Variants in WDFY3 observed in about 807,000 individuals in gnomAD.
The protein encoded by WDFY3 is WD repeat and FYVE domain-containing protein 3.
WDFY3 carries 66 observed loss-of-function variants against 409.6 expected under a neutral mutation model. That is an observed-to-expected ratio of 0.16 (90% CI 0.13 to 0.20). The LOEUF (loss-of-function observed/expected upper bound fraction) is 0.20. WDFY3 is among the 10% of genes least tolerant of loss of function. The pLI is 1.00. For synonymous variants in WDFY3, 1,521 were observed against 1,537.1 expected (o/e 0.99, Z 0.25); for missense variants, 3,031 against 4,298.1 (o/e 0.71, Z 8.24).
rs1238344460 is a variant in WDFY3 at position 84,702,237 on chromosome 4, T to C, written c.8596+116A>G. On this transcript the variant is annotated intron_variant, in intron 56 of 67. Coordinates refer to ENST00000295888, the MANE Select transcript of WDFY3 (RefSeq NM_014991.6). ...ATTACAGCAAATGACTGCAAGAAACTGTATCAAATTTTTTTCTTGTTAATG... is the reference window on the plus strand; with the variant it reads ...ATTACAGCAAATGACTGCAAGAAACCGTATCAAATTTTTTTCTTGTTAATG... The C allele has an allele frequency of 4.4e-6, 5 of 1,138,884 alleles. No individual in the cohort carries two copies. In the Admixed American group the frequency reaches 1.1e-4, roughly 26 times the overall value. 70.5% of individuals were successfully genotyped at this position (1,138,884 alleles called of 1,614,324 possible).
intron 1 of WDFY3, among the ~76,000 whole-genome samples, chr4:84,949,749 G>C (rs1184875961): frequency 6.6e-6 from 1 of 152,072 alleles, no homozygotes; most frequent in Non-Finnish European, 1.5e-5. Context: ...CCTAGCTAAA[G>C]ATCAAGCCAC....
intron 45 of WDFY3, among the ~76,000 whole-genome samples, chr4:84,724,867 A>C (rs1302181846): frequency 3.3e-5 from 5 of 152,212 alleles, no homozygotes; most frequent in African/African-American, 7.2e-5. Flanking sequence ...GTGTTAGTGC[A>C]GTGTGTCTTC....
intron 47 of WDFY3, among the ~76,000 whole-genome samples, chr4:84,718,839 A>C (rs1734387749): frequency 6.6e-6 from 1 of 152,194 alleles, no homozygotes; most frequent in Non-Finnish European, 1.5e-5. Context: ...CTAGCTTCTA[A>C]AAGTCAAGAA....
chr4:84,962,843 T>C (rs1775083513), intron 1 of WDFY3, among the ~76,000 whole-genome samples: 1 of 151,808 alleles, frequency 6.6e-6, no homozygotes, highest in African/African-American at 2.4e-5. Flanking sequence ...CAAGCTAATT[T>C]TTGTATTTTT....
chr4:84,808,289 G>A, intron 15 of WDFY3, 45 bp downstream of exon 15: 1 of 1,460,160 alleles, frequency 6.8e-7, no homozygotes, highest in South Asian at 1.2e-5. Context: ...AGAAAAAAAG[G>A]AACCCCACAC....
intron 13 of WDFY3, among the ~76,000 whole-genome samples, chr4:84,813,967 CATGATGAAATAT>C (rs1387167128): frequency 6.6e-6 from 1 of 152,108 alleles, no homozygotes; most frequent in Non-Finnish European, 1.5e-5. Flanking sequence ...ACCATCAAAA[CATGATGAAATAT>C]ATGACAGCAT....
chr4:84,684,596 T>C (rs952178123), intron 62 of WDFY3, among the ~76,000 whole-genome samples: 4 of 152,136 alleles, frequency 2.6e-5, no homozygotes, highest in African/African-American at 9.7e-5. Flanking sequence ...TATAGTTGTG[T>C]TTCTTCAGTA....
chr4:84,790,358 A>C (rs1748303224), intron 21 of WDFY3, among the ~76,000 whole-genome samples: 1 of 152,136 alleles, frequency 6.6e-6, no homozygotes, highest in African/African-American at 2.4e-5. Context: ...CAAAAAAAAT[A>C]AGTAAATAAA....
At chr4:84,854,910 T>C (rs1471306127) in intron 4 of WDFY3, among the ~76,000 whole-genome samples, 1 of 152,044 alleles carries the variant, frequency 6.6e-6, no homozygotes, top group African/African-American at 2.4e-5. Context: ...AGACTTGGTC[T>C]CAAACAAACA....
At chr4:84,896,380 T>C (rs545577827) in intron 3 of WDFY3, among the ~76,000 whole-genome samples, 81 of 151,848 alleles carry the variant, frequency 5.3e-4, no homozygotes, top group African/African-American at 1.9e-3. Context: ...ACACAAGAAA[T>C]AGTATACCAA....
In WDFY3 at chr4:84,757,128, G is replaced by C; in HGVS notation, c.5222C>G (p.Ser1741Trp). 3 of 1,614,018 alleles carry C rather than the reference G, an allele frequency of 1.9e-6. No homozygotes were observed. The highest frequency in any genetic ancestry group is 2.2e-5 in the South Asian group (2 of 91,072). Residue 1741 changes from serine (S) to tryptophan (W), a missense_variant, in exon 33 of 68, where the codon TCG becomes TGG. By Grantham distance (177) the Ser-to-Trp change is radical. Coordinates refer to ENST00000295888, the MANE Select transcript of WDFY3 (RefSeq NM_014991.6). ...FNVGRSAGGRSTVREINRDAC... is the reference protein window; with the variant it reads ...FNVGRSAGGRWTVREINRDAC... ...ATCTCGGTTAATCTCCCTGACCGTCGATCTCCCACCAGCACTTCTGCCCAC... is the reference window on the plus strand; with the variant it reads ...ATCTCGGTTAATCTCCCTGACCGTCCATCTCCCACCAGCACTTCTGCCCAC...
intron 3 of WDFY3, among the ~76,000 whole-genome samples, chr4:84,872,231 C>T (rs1560972263): frequency 2.0e-5 from 3 of 152,010 alleles, no homozygotes; most frequent in East Asian, 3.9e-4. Context: ...ATTTGGGAGG[C>T]CGAGGTGGGC....
At chr4:84,915,980 C>T (rs1040515082) in intron 2 of WDFY3, among the ~76,000 whole-genome samples, 4 of 152,082 alleles carry the variant, frequency 2.6e-5, no homozygotes, top group African/African-American at 9.7e-5. Context: ...TAAACTTAGT[C>T]CTGAAATTAT....
chr4:84,709,161 T>C (rs1360864915), intron 52 of WDFY3, 132 bp downstream of exon 52: 2 of 1,427,802 alleles, frequency 1.4e-6, no homozygotes, highest in East Asian at 2.3e-5. Flanking sequence ...AATACTTTTT[T>C]TTCTAAAAAG....
intron 1 of WDFY3, among the ~76,000 whole-genome samples, chr4:84,960,681 T>C (rs554215612): frequency 2.0e-5 from 3 of 152,272 alleles, no homozygotes; most frequent in Admixed American, 1.3e-4. Context: ...TCTCACTATG[T>C]TGCCCAGGCT....
chr4:84,720,679 C>T (rs548004976), intron 47 of WDFY3, among the ~76,000 whole-genome samples: 1 of 152,208 alleles, frequency 6.6e-6, no homozygotes, highest in Non-Finnish European at 1.5e-5. Context: ...AAGGCCTCAT[C>T]AGAAGCCGAG....
chr4:84,854,753 A>G (rs1381025758), intron 4 of WDFY3, among the ~76,000 whole-genome samples: 4 of 152,188 alleles, frequency 2.6e-5, no homozygotes, highest in South Asian at 2.1e-4. Flanking sequence ...TACTAAAAAT[A>G]TAACAATTAG....
At chr4:84,932,929 T>G (rs1429146886) in intron 1 of WDFY3, among the ~76,000 whole-genome samples, 1 of 152,176 alleles carries the variant, frequency 6.6e-6, no homozygotes, top group African/African-American at 2.4e-5. Context: ...TTCCTTTCAT[T>G]TACCAGTCAA....
intron 1 of WDFY3, among the ~76,000 whole-genome samples, chr4:84,955,133 G>A (rs761149144): frequency 4.0e-5 from 6 of 151,808 alleles, no homozygotes; most frequent in Non-Finnish European, 8.8e-5. Context: ...AACCCAGGAG[G>A]CAGAGGTTGC....
Sources: gnomAD v4.1 joint callset for allele counts (sites outside exome capture counted in the v4.1 genomes callset) on GRCh38, gnomAD v4.1.1 for gene constraint, MANE v1.5 for transcripts, NCBI Gene and HGNC (gene_info 2026-07-23, HGNC 2026-07-21) for gene names.